DAAM1: variants seen among roughly 807,000 people sequenced by gnomAD.
DAAM1 encodes the protein disheveled-associated activator of morphogenesis 1.
Under a neutral mutation model 130.0 loss-of-function variants are expected in DAAM1, and 52 were observed. The ratio of observed to expected loss-of-function variants is 0.40; its 90% CI spans 0.32 to 0.50. The LOEUF is 0.50. Among genes scored for constraint, DAAM1 ranks in the 20% least tolerant of loss-of-function variants. The pLI is 0.61. For missense variants in DAAM1, 1,134 were observed against 1,303.8 expected, an observed-to-expected ratio of 0.87 and a Z score of 2.01; for synonymous variants, 452 against 444.5, an observed-to-expected ratio of 1.02 and a Z score of -0.21.
chr14:59,284,583 C>A (rs145435845), intron 2 of DAAM1, among the ~76,000 whole-genome samples: 117 of 152,106 alleles, frequency 7.7e-4, no homozygotes, highest in Non-Finnish European at 1.4e-3. Context: ...GTAAAATGAT[C>A]CTGGAGTTGA....
chr14:59,257,304 A>G (rs1281049237), intron 1 of DAAM1, among the ~76,000 whole-genome samples: 2 of 152,086 alleles, frequency 1.3e-5, no homozygotes, highest in African/African-American at 4.8e-5. Flanking sequence ...TTGAGAATAT[A>G]CTACGTGCCA....
At chr14:59,243,592 TC>T (rs1299907891) in intron 1 of DAAM1, among the ~76,000 whole-genome samples, 1 of 152,182 alleles carries the variant, frequency 6.6e-6, no homozygotes, top group Non-Finnish European at 1.5e-5. Context: ...TGAACTTTTA[TC>T]TCTGATCCCT....
At chr14:59,285,782 T>C (rs1222312897) in intron 2 of DAAM1, among the ~76,000 whole-genome samples, 1 of 152,098 alleles carries the variant, frequency 6.6e-6, no homozygotes, top group Non-Finnish European at 1.5e-5. Context: ...AACAGGATTT[T>C]AGAGACCTAC....
At chr14:59,189,884 C>T (rs1262784532) in intron 1 of DAAM1, among the ~76,000 whole-genome samples, 2 of 152,186 alleles carry the variant, frequency 1.3e-5, no homozygotes, top group Admixed American at 1.3e-4. Context: ...TTTAGTGATG[C>T]CTGAACTCCA....
chr14:59,208,727 A>G (rs1278694719), intron 1 of DAAM1, among the ~76,000 whole-genome samples: 2 of 151,944 alleles, frequency 1.3e-5, no homozygotes, highest in Admixed American at 6.6e-5. Context: ...GTAATCCCCA[A>G]TGTTAGATGT....
intron 1 of DAAM1, among the ~76,000 whole-genome samples, chr14:59,205,497 A>G (rs376868005): frequency 2.0e-5 from 3 of 152,218 alleles, no homozygotes; most frequent in African/African-American, 7.2e-5. Flanking sequence ...CTTCTTTAAA[A>G]GGAAAAAAAA....
rs1887944638 is a variant in DAAM1, at chr14:59,197,710, G to T, written c.-38+8942G>T. 2.0e-5 allele frequency among the ~76,000 whole-genome samples: 3 copies of T among 152,042 alleles called. No homozygotes were observed. The South Asian group carries it at 6.2e-4, about 32-fold the overall frequency. ...TATATTTAACCCAATTTCTTTTCAG[G>T]CTGTGTCTGAAGTTACGTTTCTTCC... On this transcript the variant is annotated intron_variant, in intron 1 of 24. Transcript: ENST00000360909.
chr14:59,225,969 A>G (rs1888930849), intron 1 of DAAM1, among the ~76,000 whole-genome samples: 2 of 152,198 alleles, frequency 1.3e-5, no homozygotes, highest in African/African-American at 4.8e-5. Flanking sequence ...CAAGAAACTC[A>G]AGCCCTACGA....
intron 9 of DAAM1, 36 bp downstream of exon 9, chr14:59,325,766 C>A: frequency 6.2e-7 from 1 of 1,607,442 alleles, no homozygotes; most frequent in Non-Finnish European, 8.5e-7. Flanking sequence ...TTTGATTCAT[C>A]AGTTCACATT....
chr14:59,311,769 C>A (rs530501954), intron 3 of DAAM1, among the ~76,000 whole-genome samples: 1 of 152,270 alleles, frequency 6.6e-6, no homozygotes, highest in South Asian at 2.1e-4. Context: ...GTCACCCTGG[C>A]TGGTGAACTC....
At chr14:59,287,827 G>C (rs1883529096) in intron 2 of DAAM1, among the ~76,000 whole-genome samples, 1 of 152,176 alleles carries the variant, frequency 6.6e-6, no homozygotes, top group Non-Finnish European at 1.5e-5. Flanking sequence ...AATCAATATT[G>C]TTAAAATGAC....
chr14:59,211,834 C>G (rs1270776244), intron 1 of DAAM1, among the ~76,000 whole-genome samples: 1 of 152,180 alleles, frequency 6.6e-6, no homozygotes, highest in Non-Finnish European at 1.5e-5. Context: ...TGATTTTAAA[C>G]AGCCTCTCCC....
intron 1 of DAAM1, among the ~76,000 whole-genome samples, chr14:59,251,219 G>C (rs1006771639): frequency 2.0e-5 from 3 of 152,132 alleles, no homozygotes; most frequent in Admixed American, 6.5e-5. Flanking sequence ...GATACATCTT[G>C]GTGCCTGTGT....
chr14:59,200,770 A>G (rs973253046), intron 1 of DAAM1, among the ~76,000 whole-genome samples: 3 of 152,306 alleles, frequency 2.0e-5, no homozygotes, highest in Admixed American at 1.3e-4. Flanking sequence ...CACCTTGGAT[A>G]TGCATCAGAA....
At chr14:59,325,791 T>C (rs1885182331) in intron 9 of DAAM1, 61 bp downstream of exon 9, 4 of 1,596,894 alleles carry the variant, frequency 2.5e-6, no homozygotes, top group Non-Finnish European at 3.4e-6. Context: ...CTGTCTGTAA[T>C]GTGTGTTGTA....
chr14:59,300,163 G>GA (rs1285744311), intron 3 of DAAM1: 2 of 152,184 alleles, frequency 1.3e-5, no homozygotes, highest in Non-Finnish European at 2.9e-5. Flanking sequence ...TGCAATGGGG[G>GA]AAAATCCCTT....
Position 59,330,550 on chromosome 14 carries a change from T to G in DAAM1, c.1422T>G (p.Asp474Glu). 3.1e-6 allele frequency: 5 copies of G among 1,613,598 alleles called. No individual in the cohort carries two copies. ...TGGAAAAGAAAGAACGAGAATGTGATGCTAAGACTCAAGAGAAGGAAGAGA... is the reference window on the plus strand; with the variant it reads ...TGGAAAAGAAAGAACGAGAATGTGAGGCTAAGACTCAAGAGAAGGAAGAGA... ...QKLEKKEREC[D>E]AKTQEKEEMM... is the part of the protein sequence containing the mutation. Residue 474 changes from aspartate (D) to glutamate (E), a missense_variant, in exon 13 of 25, where the codon GAT becomes GAG. Asp to Glu is a conservative substitution (Grantham distance 45, BLOSUM62 2). Coordinates refer to ENST00000360909, the MANE Select transcript of DAAM1 (RefSeq NM_001270520.2).
intron 1 of DAAM1, among the ~76,000 whole-genome samples, chr14:59,216,917 G>GTT (rs10707767): frequency 1.1e-4 from 16 of 150,286 alleles, no homozygotes; most frequent in African/African-American, 3.9e-4. Flanking sequence ...TGTCTATATA[G>GTT]TTTTTTTTTT....
intron 6 of DAAM1, among the ~76,000 whole-genome samples, chr14:59,323,517 G>A (rs545398487): frequency 6.6e-6 from 1 of 152,238 alleles, no homozygotes; most frequent in East Asian, 1.9e-4. Flanking sequence ...GGTGTTCCCT[G>A]AAAATTTTAC....
Sources: gnomAD v4.1 joint callset for allele counts (sites outside exome capture counted in the v4.1 genomes callset) on GRCh38, gnomAD v4.1.1 for gene constraint, MANE v1.5 for transcripts, NCBI Gene and HGNC (gene_info 2026-07-23, HGNC 2026-07-21) for gene names.